The following GAGE12J variants were observed in gnomAD, a reference collection of about 807,000 sequenced individuals.
The protein encoded by GAGE12J is G antigen 11.
GAGE12J carries 5 observed loss-of-function variants against 8.5 expected under a neutral mutation model. The observed-to-expected ratio is 0.59, with a 90% CI of 0.31 to 1.24. The LOEUF (loss-of-function observed/expected upper bound fraction) is 1.24. Ranked by LOEUF, GAGE12J falls within the 50% of genes most tolerant of loss-of-function variation. GAGE12J has a pLI of 0.06. For missense variants in GAGE12J, 26 were observed against 63.0 expected (o/e 0.41, Z 1.99); for synonymous variants, 10 against 19.2 (o/e 0.52, Z 1.25).
chrX:49,323,149 G>A, intron 1 of GAGE12J, 37 bp from the exon 2 acceptor site: 1 of 1,085,054 alleles, frequency 9.2e-7, no homozygotes, highest in Non-Finnish European at 1.3e-6. Flanking sequence ...GCAGCCCTGT[G>A]GAGCGCACGT....
chrX:49,325,797 C>CTAAATTTA (rs2066442929), intron 3 of GAGE12J, among the ~76,000 whole-genome samples: 3 of 45,203 alleles, frequency 6.6e-5, no homozygotes, highest in South Asian at 2.1e-3. Context: ...ATACAGAGTG[C>CTAAATTTA]ATACTCAAAT....
rs782162308 is a variant in GAGE12J, at chrX:49,323,289, A to C, written c.84+12A>C. On this transcript the variant is annotated intron_variant, in intron 2 of 4. Coordinates refer to ENST00000442437, the MANE Select transcript of GAGE12J (RefSeq NM_001098406.4). Reference sequence around the variant, plus strand: ...TTGGGCCTATGCGGGTGAGTGCTTGAACGTTAATTCGATGTTTTCTATTAG... The same window carrying C: ...TTGGGCCTATGCGGGTGAGTGCTTGCACGTTAATTCGATGTTTTCTATTAG... 3.8e-5 allele frequency: 43 copies of C among 1,139,490 alleles called. 4 individuals carry two copies. Among genetic ancestry groups the C allele is most frequent in the Non-Finnish European group, 5.0e-5 (42 of 840,878 alleles). The allele number at this position is 1,139,490 out of a possible 1,213,427, so 93.9% of individuals were successfully genotyped here.
rs782339566 is a variant in GAGE12J at position 49,322,585 on chromosome X, G to T, written c.-9+441G>T. Among the ~76,000 whole-genome samples the T allele has an allele frequency of 1.1e-3, 104 of 91,835 alleles. 5 individuals are homozygous for T. Among genetic ancestry groups the T allele is most frequent in the Non-Finnish European group, 2.4e-3 (97 of 41,187 alleles). The allele number at this position is 91,835 out of a possible 115,157, so 79.7% of individuals were successfully genotyped here. On this transcript the variant is annotated intron_variant, in intron 1 of 4. Transcript: ENST00000442437. ...GCGCCTGAGTGAGAAGCACTGCAAG[G>T]TCTCACCTCCGCCATGGAAGGTCCG...
At chrX:49,324,729 G>A (rs1182685139) in intron 3 of GAGE12J, among the ~76,000 whole-genome samples, 6 of 60,706 alleles carry the variant, frequency 9.9e-5, no homozygotes, top group Admixed American at 2.1e-4. Flanking sequence ...TATATTTGGT[G>A]CTTTGTTCTT....
At chrX:49,328,191 T>G (rs1445502517) in intron 4 of GAGE12J, among the ~76,000 whole-genome samples, 2 of 75,010 alleles carry the variant, frequency 2.7e-5, no homozygotes, top group African/African-American at 7.0e-5. Context: ...TGTGCCATGC[T>G]GTTGCACTGC....
intron 2 of GAGE12J, 38 bp downstream of exon 2, chrX:49,323,315 T>C: frequency 9.1e-7 from 1 of 1,100,485 alleles, no homozygotes; most frequent in Non-Finnish European, 1.2e-6. Flanking sequence ...TTTCTATTAG[T>C]AGAAATTAAT....
At chrX:49,323,638 G>A in intron 2 of GAGE12J, 105 bp from the exon 3 acceptor site, 1 of 656,132 alleles carries the variant, frequency 1.5e-6, no homozygotes, top group East Asian at 3.5e-5. Flanking sequence ...ATGTCTTTAG[G>A]CTTAGTTAGG....
chrX:49,322,433 C>T (rs1187035593), intron 1 of GAGE12J, among the ~76,000 whole-genome samples: 9 of 108,798 alleles, frequency 8.3e-5, no homozygotes, highest in East Asian at 2.9e-4. Context: ...CGGGAACCCC[C>T]GACGACACAG....
intron 1 of GAGE12J, among the ~76,000 whole-genome samples, chrX:49,322,484 G>A (rs1249907167): frequency 4.7e-5 from 5 of 106,065 alleles, no homozygotes; most frequent in African/African-American, 1.7e-4. Flanking sequence ...GGGCGAGGCG[G>A]GCGGTGAAGA....
At chrX:49,325,521 A>G (rs1358599975) in intron 3 of GAGE12J, among the ~76,000 whole-genome samples, 3 of 88,180 alleles carry the variant, frequency 3.4e-5, no homozygotes, top group Non-Finnish European at 5.3e-5. Context: ...GGATTCACCA[A>G]TTGTTAATAG....
At position 49,322,666 on chromosome X, in the gene GAGE12J, G is replaced by T. The variant is rs1331906045; in HGVS notation, c.-8-520G>T. On this transcript the variant is annotated intron_variant, in intron 1 of 4. Transcript: ENST00000442437. The stretch of plus-strand genomic sequence containing the variant: ...GCGGTCCAACCAAACTTGTTGTGAG[G>T]GGGGGTGAATGGCTCTAGGAAGTGG... Among the ~76,000 whole-genome samples, 57 of 93,000 alleles carry T rather than the reference G, an allele frequency of 6.1e-4. 2 individuals carry two copies. The highest frequency in any genetic ancestry group is 1.3e-3 in the African/African-American group (36 of 27,911). 80.8% of individuals were successfully genotyped at this position (93,000 alleles called of 115,157 possible).
intron 4 of GAGE12J, among the ~76,000 whole-genome samples, chrX:49,327,744 G>A (rs2066449749): frequency 7.1e-4 from 4 of 5,659 alleles, no homozygotes; most frequent in African/African-American, 8.9e-4. Flanking sequence ...GACAGTGAGC[G>A]GGCCCTCTGC....
intron 2 of GAGE12J, 23 bp downstream of exon 2, chrX:49,323,300 G>T (rs782692544): frequency 2.7e-6 from 3 of 1,124,099 alleles, no homozygotes; most frequent in South Asian, 3.7e-5. Flanking sequence ...ACGTTAATTC[G>T]ATGTTTTCTA....
At chrX:49,325,081 T>TGA (rs2066438970) in intron 3 of GAGE12J, among the ~76,000 whole-genome samples, 1 of 33,086 alleles carries the variant, frequency 3.0e-5, no homozygotes, top group African/African-American at 6.9e-5. Context: ...CATGCACTCA[T>TGA]AGTCCCAGCT....
At chrX:49,322,390 A>G (rs781861969) in intron 1 of GAGE12J, among the ~76,000 whole-genome samples, 2 of 108,132 alleles carry the variant, frequency 1.8e-5, no homozygotes, top group Admixed American at 1.9e-4. Flanking sequence ...AGATGGGGTG[A>G]GTGCTGTTGG....
intron 1 of GAGE12J, among the ~76,000 whole-genome samples, chrX:49,322,441 C>T: frequency 9.2e-6 from 1 of 108,746 alleles, no homozygotes; most frequent in African/African-American, 3.3e-5. Context: ...CCCGACGACA[C>T]AGGGCAGATT....
At chrX:49,328,143 C>T (rs2066451347) in intron 4 of GAGE12J, among the ~76,000 whole-genome samples, 1 of 75,567 alleles carries the variant, frequency 1.3e-5, no homozygotes, top group Non-Finnish European at 3.3e-5. Flanking sequence ...TTTTAGGGTA[C>T]ATGTGCACGT....
At chrX:49,323,542 C>G (rs2066431101) in intron 2 of GAGE12J, among the ~76,000 whole-genome samples, 1 of 104,987 alleles carries the variant, frequency 9.5e-6, no homozygotes, top group Non-Finnish European at 2.0e-5. Flanking sequence ...ACAATAGCCT[C>G]CAAAGTCCTC....
chrX:49,325,741 A>G (rs1240223233), intron 3 of GAGE12J, among the ~76,000 whole-genome samples: 129 of 71,491 alleles, frequency 1.8e-3, no homozygotes, highest in African/African-American at 4.7e-3. Flanking sequence ...TCACTGCACA[A>G]AGATGAAAAT....
Sources: allele counts gnomAD v4.1 joint callset (sites outside exome capture counted in the v4.1 genomes callset), GRCh38; gene constraint gnomAD v4.1.1; transcripts MANE v1.5; gene names NCBI Gene and HGNC (gene_info 2026-07-23, HGNC 2026-07-21).